ATP9B: variants seen among roughly 807,000 people sequenced by gnomAD.
ATP9B encodes the protein ATPase phospholipid transporting 9B.
ATP9B carries 110 observed loss-of-function variants against 146.1 expected under a neutral mutation model. The observed-to-expected ratio is 0.75, with a 90% CI of 0.65 to 0.88. ATP9B has a LOEUF of 0.88. Among genes scored for constraint, ATP9B ranks in the 40% least tolerant of loss-of-function variants. The pLI, the probability that ATP9B is intolerant of heterozygous loss-of-function variation, is 0.00. For missense variants in ATP9B, 1,499 were observed against 1,496.4 expected (o/e 1.00, Z -0.03); for synonymous variants, 604 against 569.7 (o/e 1.06, Z -0.86).
intron 25 of ATP9B, among the ~76,000 whole-genome samples, chr18:79,351,759 A>T (rs2096923372): frequency 6.6e-6 from 1 of 151,880 alleles, no homozygotes; most frequent in South Asian, 2.1e-4. Flanking sequence ...CTCAGTGCAC[A>T]GCAGGGAAAC....
chr18:79,174,988 C>T (rs1300537576), intron 7 of ATP9B, among the ~76,000 whole-genome samples: 1 of 151,914 alleles, frequency 6.6e-6, no homozygotes, highest in African/African-American at 2.4e-5. Context: ...ATCATGAGGT[C>T]AAGAGATCGA....
chr18:79,369,798 C>T (rs1039832878), intron 26 of ATP9B, among the ~76,000 whole-genome samples: 8 of 152,044 alleles, frequency 5.3e-5, no homozygotes, highest in Non-Finnish European at 8.8e-5. Context: ...TTAATCTTTC[C>T]TTAAAATTTG....
At chr18:79,253,259 T>G in intron 11 of ATP9B, 122 bp from the exon 12 acceptor site, 2 of 817,394 alleles carry the variant, frequency 2.4e-6, no homozygotes, top group South Asian at 4.7e-5. Flanking sequence ...TTCATTATAA[T>G]AAAGGCTAAT....
intron 1 of ATP9B, among the ~76,000 whole-genome samples, chr18:79,084,499 A>C (rs933770692): frequency 1.3e-5 from 2 of 152,070 alleles, no homozygotes; most frequent in Non-Finnish European, 2.9e-5. Context: ...TTCCCAATTT[A>C]AACTTTGGGA....
intron 21 of ATP9B, among the ~76,000 whole-genome samples, chr18:79,344,902 G>T (rs539625015): frequency 6.6e-6 from 1 of 152,178 alleles, no homozygotes; most frequent in Non-Finnish European, 1.5e-5. Flanking sequence ...CGTTTTCTTC[G>T]CACGGTGGCC....
intron 15 of ATP9B, among the ~76,000 whole-genome samples, chr18:79,326,113 G>T (rs1323317621): frequency 3.8e-4 from 11 of 28,718 alleles, no homozygotes; most frequent in Admixed American, 6.0e-4. Context: ...ATGGTGTTAG[G>T]GTGTCACCTC....
chr18:79,082,637 A>T (rs2073386770), intron 1 of ATP9B, among the ~76,000 whole-genome samples: 1 of 152,078 alleles, frequency 6.6e-6, no homozygotes. Context: ...TTTGTTTGTT[A>T]GTTTTACTTC....
chr18:79,110,246 TGTG>T, intron 2 of ATP9B, 106 bp from the exon 3 acceptor site: 1 of 1,047,106 alleles, frequency 9.6e-7, no homozygotes, highest in East Asian at 2.9e-5. Flanking sequence ...GCTATTAGTG[TGTG>T]GTGAATACAG....
intron 7 of ATP9B, among the ~76,000 whole-genome samples, chr18:79,159,726 C>T (rs1024509884): frequency 2.0e-5 from 3 of 152,158 alleles, no homozygotes; most frequent in Admixed American, 6.5e-5. Flanking sequence ...GCTACCATCC[C>T]GTCTCTGTCC....
chr18:79,347,875 G>A lies in ATP9B; in HGVS notation c.2788G>A (p.Ala930Thr). 6.2e-7 allele frequency: 1 copy of A among 1,613,686 alleles called. No individual in the cohort carries two copies. The highest frequency in any genetic ancestry group is 1.1e-5 in the South Asian group (1 of 91,074). ...HGRNSYKRSA[A>T]LGQFVMHRGL... ...GCGGAACAGCTACAAGAGGTCGGCGGCACTCGGCCAGTTCGTCATGCACAG... is the reference window on the plus strand; with the variant it reads ...GCGGAACAGCTACAAGAGGTCGGCGACACTCGGCCAGTTCGTCATGCACAG... The change falls in exon 24 of 30, where the codon GCA (alanine) becomes ACA (threonine). Residue 930 changes from alanine to threonine, a missense_variant. Coordinates refer to ENST00000426216, the MANE Select transcript of ATP9B (RefSeq NM_198531.5).
intron 13 of ATP9B, among the ~76,000 whole-genome samples, chr18:79,297,694 T>A (rs2096562721): frequency 6.6e-6 from 1 of 152,216 alleles, no homozygotes; most frequent in East Asian, 1.9e-4. Flanking sequence ...TGTTGCACTT[T>A]CAAATACATT....
chr18:79,176,258 G>C (rs1221270031), intron 7 of ATP9B, among the ~76,000 whole-genome samples: 1 of 152,294 alleles, frequency 6.6e-6, no homozygotes, highest in South Asian at 2.1e-4. Context: ...TGAGAAGTGG[G>C]ATGATAGCAC....
intron 9 of ATP9B, among the ~76,000 whole-genome samples, chr18:79,200,788 T>TGTCGGGGTCAGAGCAGAGGCGGAGGTG (rs2095477239): frequency 5.6e-5 from 2 of 35,458 alleles, no homozygotes; most frequent in East Asian, 6.1e-4. Flanking sequence ...GAAGTAGTGG[T>TGTCGGGGTCAGAGCAGAGGCGGAGGTG]GGAATTGTTT....
chr18:79,255,840 A>G (rs1437867997), intron 12 of ATP9B, among the ~76,000 whole-genome samples: 1 of 152,204 alleles, frequency 6.6e-6, no homozygotes, highest in Non-Finnish European at 1.5e-5. Context: ...GAGCAAATGT[A>G]TTCCAACTCC....
chr18:79,191,215 TC>T (rs2095363235), intron 8 of ATP9B, among the ~76,000 whole-genome samples: 1 of 152,196 alleles, frequency 6.6e-6, no homozygotes, highest in Non-Finnish European at 1.5e-5. Flanking sequence ...TGATAGTTCT[TC>T]TCTTGTGTAT....
At chr18:79,376,657 T>C (rs2097105013) in intron 29 of ATP9B, among the ~76,000 whole-genome samples, 1 of 151,464 alleles carries the variant, frequency 6.6e-6, no homozygotes, top group Non-Finnish European at 1.5e-5. Context: ...CGCAAAGTGC[T>C]GGGATTACAG....
At chr18:79,307,355 G>A (rs2096625347) in intron 15 of ATP9B, 121 bp downstream of exon 15, 6 of 1,416,584 alleles carry the variant, frequency 4.2e-6, no homozygotes, top group South Asian at 1.4e-5. Context: ...TTTAATGTAT[G>A]TTTTAGCTGT....
chr18:79,073,564 C>T (rs1204284038), intron 1 of ATP9B, among the ~76,000 whole-genome samples: 4 of 152,144 alleles, frequency 2.6e-5, no homozygotes, highest in African/African-American at 7.2e-5. Flanking sequence ...TTGCAGTGAG[C>T]CAAGATTGCG....
intron 26 of ATP9B, among the ~76,000 whole-genome samples, chr18:79,368,966 G>A (rs1486128660): frequency 3.5e-5 from 5 of 141,906 alleles, no homozygotes; most frequent in Admixed American, 1.4e-4. Context: ...TCTCCCCGGC[G>A]CCACCGTGAG....
Sources: allele counts gnomAD v4.1 joint callset (sites outside exome capture counted in the v4.1 genomes callset), GRCh38; gene constraint gnomAD v4.1.1; transcripts MANE v1.5; gene names NCBI Gene and HGNC (gene_info 2026-07-23, HGNC 2026-07-21).